The following COMMD2 variants were observed in gnomAD, a reference collection of about 807,000 sequenced individuals.
COMMD2 encodes the protein COMM domain-containing protein 2.
A neutral mutation model predicts 22.5 loss-of-function variants in COMMD2; 25 were observed. The observed-to-expected ratio is 1.11, with a 90% CI of 0.81 to 1.55. The LOEUF (loss-of-function observed/expected upper bound fraction) is 1.55, where lower values mean the gene tolerates loss of function less well. Ranked by LOEUF, COMMD2 falls within the 40% of genes most tolerant of loss-of-function variation. The pLI is 0.00. For missense variants in COMMD2, 223 were observed against 232.9 expected (o/e 0.96, Z 0.28); for synonymous variants, 98 against 91.2 (o/e 1.07, Z -0.42).
chr3:149,750,516 T>C (rs534681972), intron 4 of COMMD2, 162 bp downstream of exon 4: 1 of 532,008 alleles, frequency 1.9e-6, no homozygotes, highest in African/African-American at 1.9e-5. Flanking sequence ...ACACTGAAAA[T>C]AAAAGAAAAT....
Position 149,751,530 on chromosome 3 carries a change from T to C in COMMD2, c.146-45A>G, listed in dbSNP as rs1716531757. ...ACGAGCAAATAAATTACTACTGTAG[T>C]ATTTATCTTGTTCATATTTGTATTT... On this transcript the variant is annotated intron_variant, in intron 2 of 4. Transcript: ENST00000473414. The C allele has an allele frequency of 4.9e-6, 7 of 1,414,744 alleles. No homozygotes were observed. In the South Asian group the frequency reaches 8.2e-5, roughly 17 times the overall value. 87.6% of individuals were successfully genotyped at this position (1,414,744 alleles called of 1,614,324 possible).
Position 149,741,882 on chromosome 3 carries a change from A to C in COMMD2, c.403-164T>G, listed in dbSNP as rs556799623. Among the ~76,000 whole-genome samples, 4 of 152,264 alleles carry C rather than the reference A, an allele frequency of 2.6e-5. No homozygotes were observed. In the East Asian group the frequency reaches 7.7e-4, roughly 29 times the overall value. The stretch of plus-strand genomic sequence containing the variant: ...AAACCTTTGAAAAGAAAATAATGAG[A>C]ATATATACCAATTTTATGGTATAGA... On this transcript the variant is annotated intron_variant, in intron 4 of 4. Transcript: ENST00000473414.
At chr3:149,752,344 C>T (rs768488736) in intron 1 of COMMD2, 34 bp downstream of exon 1, 1 of 1,614,022 alleles carries the variant, frequency 6.2e-7, no homozygotes, top group African/African-American at 1.3e-5. Flanking sequence ...ACCTCCTCCC[C>T]AGCCCACAGA....
At chr3:149,742,639 T>C (rs1384721175) in intron 4 of COMMD2, among the ~76,000 whole-genome samples, 3 of 151,524 alleles carry the variant, frequency 2.0e-5, no homozygotes. Context: ...AAATATACAG[T>C]TTGGTGACAA....
rs975190398 is a variant in COMMD2, at chr3:149,740,887, T to G, written c.*634A>C. ...ATAGATTCATTTCTAGTTGATTCAA[T>G]CCTATTTATGTATTTAAAATACAAA... is the stretch of plus-strand genomic sequence containing the variant. On this transcript the variant is annotated 3_prime_UTR_variant, in exon 5 of 5. Transcript: ENST00000473414. The G allele has an allele frequency of 6.6e-6, 1 of 152,592 alleles. No homozygotes were observed. Among genetic ancestry groups the G allele is most frequent in the African/African-American group, 2.4e-5 (1 of 41,416 alleles). The allele number at this position is 152,592 out of a possible 1,614,324, so 9.5% of individuals were successfully genotyped here.
Position 149,741,643 on chromosome 3 carries a change from G to A in COMMD2, c.478C>T (p.His160Tyr). The A allele has an allele frequency of 1.2e-6, 2 of 1,613,934 alleles. No individual in the cohort carries two copies. Among genetic ancestry groups the A allele is most frequent in the Non-Finnish European group, 1.7e-6 (2 of 1,179,954 alleles). Reference protein sequence around the residue: ...IKLHLNQNGDHNTKVLQTDPA... With the variant: ...IKLHLNQNGDYNTKVLQTDPA... The stretch of plus-strand genomic sequence containing the variant: ...TCTGTCTGCAGAACTTTGGTGTTGT[G>A]ATCTCCATTTTGATTAAGGTGTAGC... Residue 160 changes from histidine to tyrosine, a missense_variant, in exon 5 of 5, where the codon CAC (histidine) becomes TAC (tyrosine). Transcript: ENST00000473414.
chr3:149,750,716 G>A lies in COMMD2; in HGVS notation c.364C>T (p.Pro122Ser). The A allele has an allele frequency of 6.3e-7, 1 of 1,594,098 alleles. No homozygotes were observed. The highest frequency in any genetic ancestry group is 1.2e-5 in the South Asian group (1 of 86,876). The change falls in exon 4 of 5, where the codon CCC (proline) becomes TCC (serine). Residue 122 changes from proline to serine, a missense_variant. Pro to Ser is a moderately conservative substitution (Grantham distance 74). Coordinates refer to ENST00000473414, the MANE Select transcript of COMMD2 (RefSeq NM_016094.4). ...CGCCATTCAAGGTTATGATAACTGG[G>A]AAGGCTTGGTGCCAATTCACTCAGA... ...TILSELAPSL[P>S]SYHNLEWRLD...
At position 149,752,481 on chromosome 3, in the gene COMMD2, C is replaced by A; in HGVS notation, c.-37G>T. 1 of 1,577,724 alleles carries A rather than the reference C, an allele frequency of 6.3e-7. No individual in the cohort carries two copies. Among genetic ancestry groups the A allele is most frequent in the Non-Finnish European group, 8.6e-7 (1 of 1,156,448 alleles). ...TACGATTTCACCCGGCAGCGCCGAC[C>A]CCGCCTTCGCCACTTCCGGCGCCCG... is the stretch of plus-strand genomic sequence containing the variant. On this transcript the variant is annotated 5_prime_UTR_variant, in exon 1 of 5. Transcript: ENST00000473414.
At chr3:149,752,166 A>T (rs1396177534) in intron 2 of COMMD2, 44 bp downstream of exon 2, 4 of 1,544,114 alleles carry the variant, frequency 2.6e-6, no homozygotes, top group Non-Finnish European at 3.6e-6. Context: ...AATGGCTCGC[A>T]ACCGCCCTAG....
Position 149,752,434 on chromosome 3 carries a change from T to C in COMMD2, c.11A>G (p.Glu4Gly). 6.2e-7 allele frequency: 1 copy of C among 1,613,654 alleles called. No homozygotes were observed. The change falls in exon 1 of 5, where the codon GAA becomes GGA. Residue 4 changes from glutamate (E) to glycine (G), a missense_variant. Transcript: ENST00000473414. ...GTGTTCCTTATGCTCCTCGGACAAT[T>C]CCAGCAGCATCTTCACTGTCCTACG... MLL[E>G]LSEEHKEHLA...
Position 149,740,453 on chromosome 3 carries a change from T to TGACAG in COMMD2, c.*1063_*1067dup, listed in dbSNP as rs747588465. The stretch of plus-strand genomic sequence containing the variant: ...TGCATCCATTATTTGTAAATGTAAA[T>TGACAG]GACAGAGTGTCTCCTAGATGCTTTG... On this transcript the variant is annotated 3_prime_UTR_variant, in exon 5 of 5. Transcript: ENST00000473414. 1.2e-4 allele frequency: 18 copies of TGACAG among 152,230 alleles called. No individual in the cohort carries two copies. Among genetic ancestry groups the TGACAG allele is most frequent in the Admixed American group, 7.9e-4 (12 of 15,282 alleles). The allele number at this position is 152,230 out of a possible 1,614,324, so 9.4% of individuals were successfully genotyped here. A position where few individuals can be genotyped will look rare whatever the true frequency, so the allele number is the denominator to read the frequency against.
At chr3:149,742,513 C>G (rs1024536467) in intron 4 of COMMD2, among the ~76,000 whole-genome samples, 1 of 151,980 alleles carries the variant, frequency 6.6e-6, no homozygotes, top group Admixed American at 6.5e-5. Context: ...AATAATCACA[C>G]AATGAATTGC....
At chr3:149,744,183 T>C (rs931252606) in intron 4 of COMMD2, among the ~76,000 whole-genome samples, 3 of 152,066 alleles carry the variant, frequency 2.0e-5, no homozygotes, top group Non-Finnish European at 4.4e-5. Flanking sequence ...AAATGTCTTA[T>C]GTCAATGCAA....
At position 149,740,905 on chromosome 3, in the gene COMMD2, A is replaced by C. The variant is rs1716192955; in HGVS notation, c.*616T>G. The stretch of plus-strand genomic sequence containing the variant: ...GATTCAATCCTATTTATGTATTTAA[A>C]ATACAAAATAATGGCCATCTGGCTA... On this transcript the variant is annotated 3_prime_UTR_variant, in exon 5 of 5. Transcript: ENST00000473414. The C allele has an allele frequency of 6.6e-6, 1 of 152,650 alleles. No individual in the cohort carries two copies. The allele number at this position is 152,650 out of a possible 1,614,324, so 9.5% of individuals were successfully genotyped here. A position where few individuals can be genotyped will look rare whatever the true frequency, so the allele number is the denominator to read the frequency against.
intron 2 of COMMD2, 182 bp from the exon 3 acceptor site, chr3:149,751,667 AT>A: frequency 2.0e-6 from 1 of 510,240 alleles, no homozygotes; most frequent in Non-Finnish European, 3.4e-6. Context: ...TGCCTTTGGT[AT>A]TTCCCACCAA....
At chr3:149,751,784 A>G in intron 2 of COMMD2, 1 of 272,484 alleles carries the variant, frequency 3.7e-6, no homozygotes, top group Non-Finnish European at 6.8e-6. Flanking sequence ...CTCGACAGGG[A>G]TTGACTTAAT....
chr3:149,746,731 C>A (rs140220852), intron 4 of COMMD2, among the ~76,000 whole-genome samples: 9 of 152,016 alleles, frequency 5.9e-5, no homozygotes, highest in Admixed American at 5.9e-4. Flanking sequence ...TGCAGTGAGC[C>A]GAGATTGCAC....
Position 149,752,190 on chromosome 3 carries a change from C to T in COMMD2, c.145+20G>A, listed in dbSNP as rs1483833189. On this transcript the variant is annotated intron_variant, in intron 2 of 4. Transcript: ENST00000473414. ...CAACCGCCCTAGAAGCCTGCGGAGC[C>T]TTCCCCTTTCCCTTCTTACTGGCGG... 3 of 1,609,990 alleles carry T rather than the reference C, an allele frequency of 1.9e-6. No individual in the cohort carries two copies. Among genetic ancestry groups the T allele is most frequent in the African/African-American group, 1.3e-5 (1 of 74,820 alleles).
At chr3:149,742,836 C>G (rs750163113) in intron 4 of COMMD2, among the ~76,000 whole-genome samples, 1 of 151,616 alleles carries the variant, frequency 6.6e-6, no homozygotes, top group Non-Finnish European at 1.5e-5. Context: ...CATGGTGGCA[C>G]GCGCCTGTAG....
Sources: allele counts gnomAD v4.1 joint callset (sites outside exome capture counted in the v4.1 genomes callset), GRCh38; gene constraint gnomAD v4.1.1; transcripts MANE v1.5; gene names NCBI Gene and HGNC (gene_info 2026-07-23, HGNC 2026-07-21).